The following MED13 variants were observed in gnomAD, a reference collection of about 807,000 sequenced individuals.
The protein encoded by MED13 is mediator of RNA polymerase II transcription subunit 13.
In MED13, 23 loss-of-function variants were observed where a neutral mutation model predicts 225.2. The observed-to-expected ratio is 0.10, with a 90% CI of 0.07 to 0.14. The LOEUF is 0.14. Among genes scored for constraint, MED13 ranks in the 10% least tolerant of loss-of-function variants. MED13 has a pLI of 1.00. For missense variants in MED13, 2,197 were observed against 2,594.5 expected, an observed-to-expected ratio of 0.85 and a Z score of 3.33; for synonymous variants, 942 against 889.2, an observed-to-expected ratio of 1.06 and a Z score of -1.06.
intron 27 of MED13, among the ~76,000 whole-genome samples, chr17:61,951,956 G>A (rs1351270703): frequency 1.3e-5 from 2 of 151,962 alleles, no homozygotes; most frequent in African/African-American, 4.8e-5. Context: ...GGAATGCAGT[G>A]GTGCGATCTC....
chr17:61,994,860 A>G (rs961140682), intron 10 of MED13, among the ~76,000 whole-genome samples: 8 of 152,024 alleles, frequency 5.3e-5, no homozygotes, highest in Non-Finnish European at 1.2e-4. Context: ...CAAGGCGCAC[A>G]CCACCACACC....
intron 2 of MED13, among the ~76,000 whole-genome samples, chr17:62,056,908 T>C (rs1490895514): frequency 6.6e-6 from 1 of 152,246 alleles, no homozygotes; most frequent in East Asian, 1.9e-4. Context: ...GACTATTTAT[T>C]GGAAGAAAAC....
chr17:62,034,652 A>G (rs1368248210), intron 4 of MED13, among the ~76,000 whole-genome samples: 2 of 152,220 alleles, frequency 1.3e-5, no homozygotes, highest in Non-Finnish European at 2.9e-5. Flanking sequence ...CTAAATATTT[A>G]TAATGTACTG....
chr17:61,974,764 T>C (rs2080139287), intron 16 of MED13, among the ~76,000 whole-genome samples: 1 of 152,018 alleles, frequency 6.6e-6, no homozygotes, highest in Non-Finnish European at 1.5e-5. Context: ...CCATATACTA[T>C]ACACAAAAAA....
intron 27 of MED13, among the ~76,000 whole-genome samples, 179 bp downstream of exon 27, chr17:61,952,786 G>A (rs1033588064): frequency 3.3e-5 from 5 of 152,132 alleles, no homozygotes; most frequent in Non-Finnish European, 7.3e-5. Flanking sequence ...ACAGGTGCGT[G>A]CCACCTTACC....
chr17:61,986,116 T>C (rs892676315), intron 12 of MED13, among the ~76,000 whole-genome samples: 10 of 152,170 alleles, frequency 6.6e-5, no homozygotes, highest in Admixed American at 2.0e-4. Flanking sequence ...GATACAGGAA[T>C]GGTAGTAGAG....
chr17:62,052,181 T>C (rs1489767516), intron 3 of MED13, among the ~76,000 whole-genome samples: 1 of 152,188 alleles, frequency 6.6e-6, no homozygotes, highest in Non-Finnish European at 1.5e-5. Flanking sequence ...CAGGTGTTGT[T>C]ACTTAATTTT....
rs1354269460 is a variant in MED13 at position 62,016,071 on chromosome 17, T to C, written c.1284-4838A>G. 3.6e-5 allele frequency among the ~76,000 whole-genome samples: 5 copies of C among 140,622 alleles called. No homozygotes were observed. The South Asian group carries it at 1.2e-3, about 33-fold the overall frequency. 92.3% of individuals were successfully genotyped at this position (140,622 alleles called of 152,430 possible). On this transcript the variant is annotated intron_variant, in intron 8 of 29. Coordinates refer to ENST00000397786, the MANE Select transcript of MED13 (RefSeq NM_005121.3). ...TACCCACTTCAGCCTCCCAAAGTGC[T>C]GGGATTACAGGCATGAGCCACTCAC...
At chr17:62,053,658 T>A (rs929337855) in intron 2 of MED13, among the ~76,000 whole-genome samples, 2 of 152,232 alleles carry the variant, frequency 1.3e-5, no homozygotes, top group African/African-American at 4.8e-5. Context: ...ATAGCCTATA[T>A]ACCTTTATAA....
rs1288885723 is a variant in MED13 at position 62,010,677 on chromosome 17, C to A, written c.1840G>T (p.Ala614Ser). 3 of 1,536,174 alleles carry A rather than the reference C, an allele frequency of 2.0e-6. No individual in the cohort carries two copies. Among genetic ancestry groups the A allele is most frequent in the Non-Finnish European group, 2.6e-6 (3 of 1,141,498 alleles). ...TTTGGGAACTTGTAATACTTCCAGG[C>A]TATATTGGCTTCATCTTCTTCCAAG... ...VNLEEDEANI[A>S]WKYYKFPKKK... Residue 614 changes from alanine to serine, a missense_variant, in exon 9 of 30, where the codon GCC (alanine) becomes TCC (serine). Transcript: ENST00000397786.
At chr17:61,991,364 C>A (rs2143501103) in intron 11 of MED13, among the ~76,000 whole-genome samples, 2 of 152,044 alleles carry the variant, frequency 1.3e-5, no homozygotes. Context: ...GGTGATCCAC[C>A]TGCCTCGGCC....
chr17:62,008,994 T>C (rs988790198), intron 9 of MED13, among the ~76,000 whole-genome samples: 2 of 152,184 alleles, frequency 1.3e-5, no homozygotes, highest in Non-Finnish European at 2.9e-5. Context: ...TAAGACATTA[T>C]TTAACCTATT....
rs1325206879 is a variant in MED13 at position 61,963,092 on chromosome 17, T to G, written c.4845-121A>C. The G allele has an allele frequency of 5.7e-6, 4 of 705,482 alleles. No individual in the cohort carries two copies. In the African/African-American group the frequency reaches 7.3e-5, roughly 13 times the overall value. The allele number at this position is 705,482 out of a possible 1,614,324, so 43.7% of individuals were successfully genotyped here. A position where few individuals can be genotyped will look rare whatever the true frequency, so the allele number is the denominator to read the frequency against. ...TTGGTGAAAGGTGTCAGAAAGCCTCTCTAAAAATGAAGGACATTTCTTTCT... is the reference window on the plus strand; with the variant it reads ...TTGGTGAAAGGTGTCAGAAAGCCTCGCTAAAAATGAAGGACATTTCTTTCT... On this transcript the variant is annotated intron_variant, in intron 20 of 29. Coordinates refer to ENST00000397786, the MANE Select transcript of MED13 (RefSeq NM_005121.3).
At chr17:61,988,387 A>G (rs1266995580) in intron 11 of MED13, among the ~76,000 whole-genome samples, 1 of 152,212 alleles carries the variant, frequency 6.6e-6, no homozygotes, top group Non-Finnish European at 1.5e-5. Flanking sequence ...GCACAAGAAA[A>G]ACAATTTGAT....
intron 3 of MED13, among the ~76,000 whole-genome samples, chr17:62,040,319 A>T (rs1466586016): frequency 1.3e-5 from 2 of 152,208 alleles, no homozygotes; most frequent in Admixed American, 1.3e-4. Context: ...GTTGCTCTCC[A>T]TGAGCTCACA....
At chr17:61,967,261 T>C (rs1406941393) in intron 18 of MED13, among the ~76,000 whole-genome samples, 1 of 152,160 alleles carries the variant, frequency 6.6e-6, no homozygotes, top group Middle Eastern at 3.2e-3. Flanking sequence ...GGTAATATAA[T>C]ATACAATGTT....
intron 3 of MED13, among the ~76,000 whole-genome samples, chr17:62,042,778 A>C (rs1298441489): frequency 6.6e-6 from 1 of 152,088 alleles, no homozygotes; most frequent in African/African-American, 2.4e-5. Flanking sequence ...CATGCCTAAA[A>C]TGCAGCTCCA....
chr17:62,011,696 C>T (rs2143592654), intron 8 of MED13, among the ~76,000 whole-genome samples: 1 of 152,292 alleles, frequency 6.6e-6, no homozygotes, highest in East Asian at 1.9e-4. Flanking sequence ...AAAGCGTATT[C>T]TACTCTACTA....
At chr17:62,037,948 T>A in intron 3 of MED13, among the ~76,000 whole-genome samples, 1 of 82,584 alleles carries the variant, frequency 1.2e-5, no homozygotes, top group African/African-American at 4.8e-5. Flanking sequence ...AGAGTGAGAC[T>A]TCATCTCAAA....
Sources: gnomAD v4.1 joint callset for allele counts (sites outside exome capture counted in the v4.1 genomes callset) on GRCh38, gnomAD v4.1.1 for gene constraint, MANE v1.5 for transcripts, NCBI Gene and HGNC (gene_info 2026-07-23, HGNC 2026-07-21) for gene names.